RAD51B: variants seen among roughly 807,000 people sequenced by gnomAD.
RAD51B encodes RAD51 paralog B.
Under a neutral mutation model 42.2 loss-of-function variants are expected in RAD51B, and 38 were observed. The observed-to-expected ratio is 0.90, with a 90% CI of 0.70 to 1.18. RAD51B has a LOEUF of 1.18. Among genes scored for constraint, RAD51B ranks in the 50% most tolerant of loss-of-function variants. The pLI is 0.00. For missense variants in RAD51B, 373 were observed against 400.7 expected (o/e 0.93, Z 0.59); for synonymous variants, 154 against 145.2 (o/e 1.06, Z -0.43).
chr14:68,030,460 C>T (rs1033343568), intron 7 of RAD51B, among the ~76,000 whole-genome samples: 4 of 152,202 alleles, frequency 2.6e-5, no homozygotes, highest in African/African-American at 9.7e-5. Context: ...GGAACGGCTT[C>T]TTTCCTTAAA....
chr14:68,680,834 C>T (rs563591508), intron 11 of RAD51B, among the ~76,000 whole-genome samples: 1 of 151,896 alleles, frequency 6.6e-6, no homozygotes, highest in Non-Finnish European at 1.5e-5. Flanking sequence ...GAGTGAGGCC[C>T]AGAGGCGTTC....
At chr14:68,505,777 T>C (rs1193248546) in intron 10 of RAD51B, among the ~76,000 whole-genome samples, 1 of 152,074 alleles carries the variant, frequency 6.6e-6, no homozygotes, top group East Asian at 1.9e-4. Context: ...GGTCTCGAAC[T>C]CCCAACCTCA....
At chr14:68,680,669 C>A (rs1381656136) in intron 11 of RAD51B, among the ~76,000 whole-genome samples, 1 of 152,052 alleles carries the variant, frequency 6.6e-6, no homozygotes, top group African/African-American at 2.4e-5. Context: ...TAGTCCTGAT[C>A]CACGCAAATC....
At chr14:68,055,398 A>G (rs1457324058) in intron 7 of RAD51B, among the ~76,000 whole-genome samples, 5 of 152,206 alleles carry the variant, frequency 3.3e-5, no homozygotes, top group South Asian at 2.1e-4. Flanking sequence ...TTGTTTATCT[A>G]CAAATCAGCA....
At chr14:68,630,576 T>A (rs908517685) in intron 10 of RAD51B, among the ~76,000 whole-genome samples, 2 of 152,176 alleles carry the variant, frequency 1.3e-5, no homozygotes, top group African/African-American at 4.8e-5. Context: ...ACTAGCTGCT[T>A]GGAGAGAAAC....
At chr14:68,138,191 C>G (rs1015125996) in intron 7 of RAD51B, among the ~76,000 whole-genome samples, 1 of 152,012 alleles carries the variant, frequency 6.6e-6, no homozygotes, top group Non-Finnish European at 1.5e-5. Context: ...GTTTTCCACT[C>G]CTAATGATGT....
intron 7 of RAD51B, among the ~76,000 whole-genome samples, chr14:68,083,178 G>A (rs1225350305): frequency 2.6e-5 from 4 of 152,150 alleles, no homozygotes; most frequent in Non-Finnish European, 5.9e-5. Flanking sequence ...AAAAAAATGG[G>A]AACCACCTAA....
intron 7 of RAD51B, among the ~76,000 whole-genome samples, chr14:68,059,062 G>C (rs373117430): frequency 6.6e-6 from 1 of 151,954 alleles, no homozygotes; most frequent in African/African-American, 2.4e-5. Context: ...GTTATTCATG[G>C]CTAGTGTCCT....
At chr14:68,310,560 T>C (rs1287039287) in intron 8 of RAD51B, among the ~76,000 whole-genome samples, 1 of 152,120 alleles carries the variant, frequency 6.6e-6, no homozygotes, top group Admixed American at 6.5e-5. Context: ...AAAAAGCAGG[T>C]CACGGCTGGA....
chr14:68,545,239 G>A (rs1016814613), intron 10 of RAD51B, among the ~76,000 whole-genome samples: 1 of 152,360 alleles, frequency 6.6e-6, no homozygotes. Context: ...AAGACACGGG[G>A]ACAAAGTTGG....
intron 7 of RAD51B, among the ~76,000 whole-genome samples, chr14:68,112,706 A>T (rs2077478415): frequency 6.6e-6 from 1 of 152,102 alleles, no homozygotes; most frequent in African/African-American, 2.4e-5. Flanking sequence ...CAGAGGGAGA[A>T]GTGGCAGCAT....
chr14:68,608,942 A>G (rs1891562871), intron 10 of RAD51B, among the ~76,000 whole-genome samples: 1 of 151,734 alleles, frequency 6.6e-6, no homozygotes, highest in Non-Finnish European at 1.5e-5. Context: ...CCACTTCTCA[A>G]CCTCTGCACT....
At chr14:68,547,902 G>A in intron 10 of RAD51B, among the ~76,000 whole-genome samples, 1 of 152,108 alleles carries the variant, frequency 6.6e-6, no homozygotes. Flanking sequence ...GAGTGTCCTT[G>A]GAAAAGGCTG....
intron 11 of RAD51B, among the ~76,000 whole-genome samples, chr14:68,674,497 T>C (rs1024701057): frequency 2.6e-5 from 4 of 151,724 alleles, no homozygotes; most frequent in African/African-American, 9.7e-5. Flanking sequence ...ATTTAATGAA[T>C]ATATATTTTA....
chr14:68,573,251 C>T (rs902372425), intron 10 of RAD51B, among the ~76,000 whole-genome samples: 2 of 152,154 alleles, frequency 1.3e-5, no homozygotes, highest in African/African-American at 2.4e-5. Context: ...CACAGGCCCA[C>T]GTGGTCGAGC....
intron 7 of RAD51B, among the ~76,000 whole-genome samples, chr14:68,059,613 G>T (rs984571325): frequency 2.0e-5 from 3 of 152,060 alleles, no homozygotes; most frequent in Non-Finnish European, 2.9e-5. Context: ...TAAAACTTAG[G>T]TCATATACGA....
chr14:68,228,468 A>G (rs2080084853), intron 7 of RAD51B, among the ~76,000 whole-genome samples: 1 of 152,128 alleles, frequency 6.6e-6, no homozygotes, highest in South Asian at 2.1e-4. Flanking sequence ...AACCTATTTC[A>G]TTGTCTCGCC....
chr14:68,394,379 G>C (rs540085406), intron 8 of RAD51B, among the ~76,000 whole-genome samples: 6 of 152,098 alleles, frequency 3.9e-5, no homozygotes, highest in Admixed American at 3.9e-4. Context: ...ACAATCCTCC[G>C]GTGTGGCACA....
chr14:68,259,280 A>G (rs553299748), intron 7 of RAD51B, among the ~76,000 whole-genome samples: 1 of 140,372 alleles, frequency 7.1e-6, no homozygotes, highest in East Asian at 2.4e-4. Flanking sequence ...GAAGGGGAAC[A>G]TCACACACCG....
Sources: allele counts gnomAD v4.1 joint callset (sites outside exome capture counted in the v4.1 genomes callset), GRCh38; gene constraint gnomAD v4.1.1; transcripts MANE v1.5; gene names NCBI Gene and HGNC (gene_info 2026-07-23, HGNC 2026-07-21).